LRRC36: variants seen among roughly 807,000 people sequenced by gnomAD.
LRRC36 encodes leucine-rich repeat-containing protein 36.
In LRRC36, 62 loss-of-function variants were observed where a neutral mutation model predicts 81.1. The ratio of observed to expected loss-of-function variants is 0.76; its 90% CI spans 0.62 to 0.94. LRRC36 has a LOEUF of 0.94. LRRC36 is among the 40% of genes least tolerant of loss of function. The pLI is 0.00. For missense variants in LRRC36, 761 were observed against 881.7 expected (o/e 0.86, Z 1.73); for synonymous variants, 334 against 348.6 (o/e 0.96, Z 0.47).
chr16:67,328,048 A>G (rs1460540732), intron 1 of LRRC36, among the ~76,000 whole-genome samples: 1 of 152,166 alleles, frequency 6.6e-6, no homozygotes, highest in Non-Finnish European at 1.5e-5. Flanking sequence ...GACTGCAGAA[A>G]TAGATGGTAG....
chr16:67,328,244 G>C (rs769634600), intron 1 of LRRC36, among the ~76,000 whole-genome samples: 99 of 152,254 alleles, frequency 6.5e-4, no homozygotes, highest in Non-Finnish European at 1.3e-3. Flanking sequence ...CAGGCGCGGT[G>C]GCTCACGACT....
At chr16:67,338,894 TTTTTTTTTTTTTTTTTTA>T (rs2142610521) in intron 1 of LRRC36, among the ~76,000 whole-genome samples, 11 of 107,796 alleles carry the variant, frequency 1.0e-4, no homozygotes, top group South Asian at 7.1e-4. Flanking sequence ...TTTTTTTTTT[TTTTTTTTTTTTTTTTTTA>T]GGGACAGAGT....
At position 67,385,024 on chromosome 16, in the gene LRRC36, G is replaced by T. The variant is rs2040245695; in HGVS notation, c.2200G>T (p.Ala734Ser). 6 of 1,614,160 alleles carry T rather than the reference G, an allele frequency of 3.7e-6. No homozygotes were observed. Among genetic ancestry groups the T allele is most frequent in the Non-Finnish European group, 5.1e-6 (6 of 1,180,024 alleles). The change falls in exon 14 of 14, where the codon GCA (alanine) becomes TCA (serine). Residue 734 changes from alanine to serine, a missense_variant. Physicochemically the swap from Ala to Ser is moderately conservative, Grantham distance 99. This residue lies in a region of LRRC36 where 359 missense variants were observed against 388.4 expected (regional missense o/e 0.92). Transcript: ENST00000329956. The stretch of plus-strand genomic sequence containing the variant: ...CACGTTGTCTTCCTCCTCACCAGTG[G>T]CACATGAGACTGGTCAGTATCTAAT... ...KSTLSSSSPV[A>S]HETGQYLIQS...
At chr16:67,330,770 CAGG>C (rs992325608) in intron 1 of LRRC36, among the ~76,000 whole-genome samples, 2 of 151,860 alleles carry the variant, frequency 1.3e-5, no homozygotes, top group Admixed American at 1.3e-4. Flanking sequence ...GAGGCTGAGG[CAGG>C]AGAATCACTT....
chr16:67,334,224 G>C (rs749133661), intron 1 of LRRC36, among the ~76,000 whole-genome samples: 3 of 151,836 alleles, frequency 2.0e-5, no homozygotes, highest in Admixed American at 6.6e-5. Context: ...GTAGAGACCG[G>C]GTTTCACCAT....
Position 67,385,079 on chromosome 16 carries a change from C to T in LRRC36, c.2255C>T (p.Pro752Leu). Residue 752 changes from proline to leucine, a missense_variant, in exon 14 of 14, where the codon CCT (proline) becomes CTT (leucine). Pro to Leu is a moderately conservative substitution (Grantham distance 98). This residue lies in a region of LRRC36 where 359 missense variants were observed against 388.4 expected (regional missense o/e 0.92). Transcript: ENST00000329956. ...AGCGTCTTGGATGCTGCCCCAGAGCCTGGCTTATAGAGCTAGCATGGAACT... is the reference window on the plus strand; with the variant it reads ...AGCGTCTTGGATGCTGCCCCAGAGCTTGGCTTATAGAGCTAGCATGGAACT... ...IQSVLDAAPE[P>L]GL is the part of the protein sequence containing the mutation. 4 of 1,613,582 alleles carry T rather than the reference C, an allele frequency of 2.5e-6. No homozygotes were observed. The highest frequency in any genetic ancestry group is 3.4e-6 in the Non-Finnish European group (4 of 1,179,794).
intron 5 of LRRC36, among the ~76,000 whole-genome samples, chr16:67,352,075 C>A (rs2038669949): frequency 6.6e-6 from 1 of 152,128 alleles, no homozygotes; most frequent in Non-Finnish European, 1.5e-5. Flanking sequence ...TTCATTTGTG[C>A]CATATTACTT....
chr16:67,363,708 G>A lies in LRRC36; in HGVS notation c.696G>A (p.Gly232=), dbSNP rs773255772. ...AGAAATTAGACACCTTCCCACTGGGGACACAGGTAATGTATTCACTCTCCT... is the reference window on the plus strand; with the variant it reads ...AGAAATTAGACACCTTCCCACTGGGAACACAGGTAATGTATTCACTCTCCT... ...RDQKLDTFPL[G]TQTQEVARRE... is the part of the protein sequence containing the mutation. The change falls in exon 6 of 14, where the codon GGG becomes GGA. Residue 232 remains glycine (G), a synonymous_variant. Coordinates refer to ENST00000329956, the MANE Select transcript of LRRC36 (RefSeq NM_018296.6). 1 of 1,613,774 alleles carries A rather than the reference G, an allele frequency of 6.2e-7. No homozygotes were observed. The highest frequency in any genetic ancestry group is 8.5e-7 in the Non-Finnish European group (1 of 1,179,776).
At chr16:67,327,323 G>C (rs918917061) in intron 1 of LRRC36, among the ~76,000 whole-genome samples, 1 of 152,044 alleles carries the variant, frequency 6.6e-6, no homozygotes, top group East Asian at 1.9e-4. Context: ...GTGAAACCCC[G>C]TCTCTACTAA....
chr16:67,347,606 T>G lies in LRRC36; in HGVS notation c.488+15T>G. The G allele has an allele frequency of 6.3e-7, 1 of 1,593,432 alleles. No homozygotes were observed. The highest frequency in any genetic ancestry group is 8.6e-7 in the Non-Finnish European group (1 of 1,163,084). On this transcript the variant is annotated intron_variant, in intron 4 of 13. Coordinates refer to ENST00000329956, the MANE Select transcript of LRRC36 (RefSeq NM_018296.6). ...GTGGAAAAAAGGTAAGAAGATTCTTTACAAAATTTTTAAAGTTTGGTTCTG... is the reference window on the plus strand; with the variant it reads ...GTGGAAAAAAGGTAAGAAGATTCTTGACAAAATTTTTAAAGTTTGGTTCTG...
Position 67,371,064 on chromosome 16 carries a change from TC to T in LRRC36, c.1318del (p.Leu440TrpfsTer29). 1 of 1,614,176 alleles carries T rather than the reference TC, an allele frequency of 6.2e-7. No homozygotes were observed. The highest frequency in any genetic ancestry group is 8.5e-7 in the Non-Finnish European group (1 of 1,180,024). ...CATGGTTCTGTCCCAAACAACGCTG[TC>T]CTGGGAAACAGGACAACTCCTCTGC... ...PAHGSVPNNAVLGNRTTPLRT... is the reference protein window; with the variant it reads ...PAHGSVPNNAXLGNRTTPLRT... On this transcript the variant is annotated frameshift_variant, in exon 9 of 14. Transcript: ENST00000329956. LOFTEE classifies it high-confidence loss of function.
chr16:67,344,410 C>G (rs958466970), intron 2 of LRRC36, among the ~76,000 whole-genome samples: 2 of 152,076 alleles, frequency 1.3e-5, no homozygotes, highest in African/African-American at 4.8e-5. Flanking sequence ...TAAAGCAAGA[C>G]CCTGTCTCTA....
Position 67,378,717 on chromosome 16 carries a change from G to C in LRRC36, c.1930+5G>C, listed in dbSNP as rs1165235420. On this transcript the variant is annotated splice_donor_5th_base_variant and intron_variant, in intron 12 of 13. Coordinates refer to ENST00000329956, the MANE Select transcript of LRRC36 (RefSeq NM_018296.6). Reference sequence around the variant, plus strand: ...GGCAACAGTCACATACTTATGGTAAGTTGAGGAAAGCCATGATATATGAGG... The same window carrying C: ...GGCAACAGTCACATACTTATGGTAACTTGAGGAAAGCCATGATATATGAGG... 2 of 1,613,496 alleles carry C rather than the reference G, an allele frequency of 1.2e-6. No homozygotes were observed. Among genetic ancestry groups the C allele is most frequent in the Middle Eastern group, 3.3e-4 (2 of 6,054 alleles).
rs747536754 is a variant in LRRC36, at chr16:67,342,034, A to T, written c.148A>T (p.Lys50Ter). Residue 50 changes from lysine (K) to a stop codon, truncating the protein, a stop_gained, in exon 2 of 14, where the codon AAA becomes TAA. Transcript: ENST00000329956. LOFTEE classifies it high-confidence loss of function. ...CATTGGTGATGCCTTCAGAAATTTT[A>T]AAAATCTCCGATCCTTAGATTTATC... ...HSIGDAFRNF[K>*]NLRSLDLSRN... 26 of 1,611,334 alleles carry T rather than the reference A, an allele frequency of 1.6e-5. No homozygotes were observed. The highest frequency in any genetic ancestry group is 2.1e-5 in the Non-Finnish European group (25 of 1,178,006).
At chr16:67,343,765 C>T (rs2038208302) in intron 2 of LRRC36, among the ~76,000 whole-genome samples, 1 of 151,534 alleles carries the variant, frequency 6.6e-6, no homozygotes, top group Non-Finnish European at 1.5e-5. Context: ...CAGTGCTTGG[C>T]ATATAGGAAG....
At chr16:67,380,143 A>G (rs988643685) in intron 12 of LRRC36, among the ~76,000 whole-genome samples, 1 of 152,172 alleles carries the variant, frequency 6.6e-6, no homozygotes, top group African/African-American at 2.4e-5. Flanking sequence ...TAATATTTAT[A>G]CTATTATAAA....
chr16:67,344,309 G>T (rs2885477), intron 2 of LRRC36, among the ~76,000 whole-genome samples: 2,482 of 152,236 alleles, frequency 0.016, 24 homozygotes, highest in Non-Finnish European at 0.027. Context: ...CTTAAGCCAG[G>T]TGTGGTGGTT....
intron 5 of LRRC36, among the ~76,000 whole-genome samples, chr16:67,363,042 C>G (rs2039230697): frequency 6.6e-6 from 1 of 152,158 alleles, no homozygotes; most frequent in Non-Finnish European, 1.5e-5. Context: ...CTCAGCCTCC[C>G]AAAGTGCTGG....
At chr16:67,375,137 T>TA in intron 9 of LRRC36, 110 bp from the exon 10 acceptor site, 2 of 1,275,234 alleles carry the variant, frequency 1.6e-6, no homozygotes, top group Non-Finnish European at 1.1e-6. Flanking sequence ...CAAAAAAAAA[T>TA]TAAAAAAAAA....
Sources: gnomAD v4.1 joint callset for allele counts (sites outside exome capture counted in the v4.1 genomes callset) on GRCh38, gnomAD v4.1.1 for gene constraint, gnomAD v4.1.1 regional missense constraint, MANE v1.5 for transcripts, NCBI Gene and HGNC (gene_info 2026-07-23, HGNC 2026-07-21) for gene names.